HSBP1L1: variants seen among roughly 807,000 people sequenced by gnomAD.
HSBP1L1 encodes the protein heat shock factor binding protein 1 like 1, also known as heat shock factor-binding protein 1-like protein 1.
HSBP1L1 carries 8 observed loss-of-function variants against 9.7 expected under a neutral mutation model. The ratio of observed to expected loss-of-function variants is 0.82; its 90% CI spans 0.48 to 1.48. The LOEUF is 1.48. Ranked by LOEUF, HSBP1L1 falls within the 40% of genes most tolerant of loss-of-function variation. The pLI, the probability that HSBP1L1 is intolerant of heterozygous loss-of-function variation, is 0.00. For synonymous variants in HSBP1L1, 39 were observed against 34.4 expected, an observed-to-expected ratio of 1.13 and a Z score of -0.46; for missense variants, 106 against 95.8, an observed-to-expected ratio of 1.11 and a Z score of -0.44.
At chr18:79,967,393 T>TCTTAGAAA (rs2051263188) in intron 2 of HSBP1L1, 1 of 152,130 alleles carries the variant, frequency 6.6e-6, no homozygotes, top group Admixed American at 6.5e-5. Flanking sequence ...CACTGTTTTG[T>TCTTAGAAA]CTTAGAAACA....
intron 3 of HSBP1L1, among the ~76,000 whole-genome samples, chr18:79,969,387 GA>G (rs1294208490): frequency 5.8e-5 from 4 of 69,150 alleles, no homozygotes; most frequent in African/African-American, 1.6e-4. Context: ...AAGAAAGAAA[GA>G]AAGAAAAAAA....
intron 3 of HSBP1L1, among the ~76,000 whole-genome samples, chr18:79,969,222 AAGAGGAGAG>A (rs1393090340): frequency 1.7e-4 from 16 of 92,874 alleles, no homozygotes; most frequent in East Asian, 1.1e-3. Context: ...GAAAGAAAGA[AAGAGGAGAG>A]AGAGGAGAGA....
rs1195209410 is a variant in HSBP1L1 at position 79,969,331 on chromosome 18, AAAAGAAAGAAAGAAAGAAAG to A, written c.214-1065_214-1046del. Among the ~76,000 whole-genome samples the A allele has an allele frequency of 2.9e-3, 208 of 72,014 alleles. 1 individual carries two copies. Among genetic ancestry groups the A allele is most frequent in the Middle Eastern group, 7.8e-3 (1 of 128 alleles). 47.2% of individuals were successfully genotyped at this position (72,014 alleles called of 152,430 possible). ...GAGAAAGGAAAGAAAGAAAGAAAGA[AAAAGAAAGAAAGAAAGAAAG>A]AAAGAAAGAAAGAAAGAAAGAAAGA... On this transcript the variant is annotated intron_variant, in intron 3 of 3. Coordinates refer to ENST00000451882, the MANE Select transcript of HSBP1L1 (RefSeq NM_001136180.2).
At chr18:79,966,568 A>C (rs561416291) in intron 1 of HSBP1L1, 44 bp from the exon 2 acceptor site, 2 of 1,402,902 alleles carry the variant, frequency 1.4e-6, no homozygotes, top group East Asian at 5.0e-5. Flanking sequence ...CTCATATGCC[A>C]ACAGTAAATA....
At position 79,970,562 on chromosome 18, in the gene HSBP1L1, G is replaced by C. The variant is rs565733114; in HGVS notation, c.*111G>C. On this transcript the variant is annotated 3_prime_UTR_variant, in exon 4 of 4. Coordinates refer to ENST00000451882, the MANE Select transcript of HSBP1L1 (RefSeq NM_001136180.2). ...AGGATTCGTCTTTCTGAGAAGAGAC[G>C]CAAGGGGCTCGCCTGCTCTCCCCTC... 1.2e-4 allele frequency: 83 copies of C among 666,792 alleles called. 1 individual carries two copies. In the South Asian group the frequency reaches 1.3e-3, roughly 10 times the overall value. The allele number at this position is 666,792 out of a possible 1,614,324, so 41.3% of individuals were successfully genotyped here. A position where few individuals can be genotyped will look rare whatever the true frequency, so the allele number is the denominator to read the frequency against.
chr18:79,966,564 T>C (rs902075140), intron 1 of HSBP1L1, 48 bp from the exon 2 acceptor site: 6 of 1,380,510 alleles, frequency 4.3e-6, no homozygotes, highest in South Asian at 1.3e-5. Flanking sequence ...AAAACTCATA[T>C]GCCAACAGTA....
chr18:79,966,881 G>C (rs1234338656), intron 2 of HSBP1L1: 1 of 488,440 alleles, frequency 2.0e-6, no homozygotes, highest in Non-Finnish European at 3.7e-6. Context: ...GGGTGCAGTG[G>C]CTCACGCCTG....
At chr18:79,969,560 G>A (rs1251087244) in intron 3 of HSBP1L1, among the ~76,000 whole-genome samples, 1 of 152,104 alleles carries the variant, frequency 6.6e-6, no homozygotes, top group Non-Finnish European at 1.5e-5. Flanking sequence ...AGGCAGAGAT[G>A]GCAGTGCTCT....
chr18:79,964,823 G>C (rs2051248458), intron 1 of HSBP1L1, 37 bp downstream of exon 1: 3 of 1,026,748 alleles, frequency 2.9e-6, no homozygotes, highest in Admixed American at 1.0e-4. Flanking sequence ...TCTCTGGATG[G>C]GGGCGCCCCT....
At chr18:79,968,232 C>T (rs1313096748) in intron 3 of HSBP1L1, 49 bp downstream of exon 3, 2 of 1,097,164 alleles carry the variant, frequency 1.8e-6, no homozygotes. Flanking sequence ...GTTTTGACTG[C>T]TTTCATCTTG....
chr18:79,969,178 G>A (rs568432841), intron 3 of HSBP1L1, among the ~76,000 whole-genome samples: 1 of 128,450 alleles, frequency 7.8e-6, no homozygotes, highest in Non-Finnish European at 1.6e-5. Context: ...GACAGAGCGA[G>A]ACAACATGAA....
chr18:79,964,690 C>T lies in HSBP1L1; in HGVS notation c.-46C>T, dbSNP rs1198115103. The T allele has an allele frequency of 1.6e-6, 2 of 1,217,728 alleles. No individual in the cohort carries two copies. Among genetic ancestry groups the T allele is most frequent in the South Asian group, 1.5e-5 (1 of 65,028 alleles). The allele number at this position is 1,217,728 out of a possible 1,614,324, so 75.4% of individuals were successfully genotyped here. On this transcript the variant is annotated 5_prime_UTR_variant, in exon 1 of 4. Coordinates refer to ENST00000451882, the MANE Select transcript of HSBP1L1 (RefSeq NM_001136180.2). ...CTGTCGCCACCTCGCGCCGGGTCCG[C>T]GCGGCCCACGGGACCCCCCACTGAC...
At position 79,964,727 on chromosome 18, in the gene HSBP1L1, G is replaced by C. The variant is rs2051247829; in HGVS notation, c.-9G>C. 7.1e-6 allele frequency: 10 copies of C among 1,412,570 alleles called. No individual in the cohort carries two copies. Among genetic ancestry groups the C allele is most frequent in the Non-Finnish European group, 9.2e-6 (10 of 1,084,850 alleles). The allele number at this position is 1,412,570 out of a possible 1,614,324, so 87.5% of individuals were successfully genotyped here. Reference sequence around the variant, plus strand: ...GACCCCCCACTGACGCCCCCGGCCAGCGGTCCACATGGACGTGCGGGGCCC... The same window carrying C: ...GACCCCCCACTGACGCCCCCGGCCACCGGTCCACATGGACGTGCGGGGCCC... On this transcript the variant is annotated 5_prime_UTR_variant, in exon 1 of 4. Coordinates refer to ENST00000451882, the MANE Select transcript of HSBP1L1 (RefSeq NM_001136180.2).
intron 3 of HSBP1L1, among the ~76,000 whole-genome samples, chr18:79,969,372 A>G (rs1236133167): frequency 2.0e-5 from 1 of 50,818 alleles, no homozygotes; most frequent in East Asian, 1.3e-3. Context: ...AGAAAGAAAG[A>G]AAGAAAGAAA....
intron 3 of HSBP1L1, 82 bp from the exon 4 acceptor site, chr18:79,970,358 G>T: frequency 1.4e-6 from 1 of 717,080 alleles, no homozygotes; most frequent in Non-Finnish European, 2.6e-6. Flanking sequence ...GCACCAGTGA[G>T]AACGTTATTA....
intron 3 of HSBP1L1, 103 bp from the exon 4 acceptor site, chr18:79,970,337 G>A: frequency 2.8e-6 from 2 of 711,720 alleles, no homozygotes; most frequent in South Asian, 1.5e-5. Context: ...CAACTGTACT[G>A]CAGCCACAAA....
intron 2 of HSBP1L1, among the ~76,000 whole-genome samples, chr18:79,967,238 A>G (rs532549527): frequency 1.2e-4 from 18 of 152,134 alleles, no homozygotes; most frequent in Admixed American, 6.5e-4. Flanking sequence ...ACACAAACAT[A>G]TAACACTTCC....
chr18:79,969,531 G>A (rs1320237810), intron 3 of HSBP1L1, among the ~76,000 whole-genome samples: 1 of 152,104 alleles, frequency 6.6e-6, no homozygotes, highest in East Asian at 1.9e-4. Flanking sequence ...TTTAATTTTT[G>A]GGTGTGGTCT....
In HSBP1L1 at chr18:79,964,670, G is replaced by A; in HGVS notation, c.-66G>A. The A allele has an allele frequency of 1.1e-6, 1 of 932,396 alleles. No individual in the cohort carries two copies. The highest frequency in any genetic ancestry group is 1.5e-6 in the Non-Finnish European group (1 of 656,558). The allele number at this position is 932,396 out of a possible 1,614,324, so 57.8% of individuals were successfully genotyped here. ...ACGGGAATCGCGGAGCTTAGCTGTC[G>A]CCACCTCGCGCCGGGTCCGCGCGGC... On this transcript the variant is annotated 5_prime_UTR_variant, in exon 1 of 4. Transcript: ENST00000451882.
Sources: allele counts gnomAD v4.1 joint callset (sites outside exome capture counted in the v4.1 genomes callset), GRCh38; gene constraint gnomAD v4.1.1; transcripts MANE v1.5; gene names NCBI Gene and HGNC (gene_info 2026-07-23, HGNC 2026-07-21).